Variants in HECTD3 observed in about 807,000 individuals in gnomAD.
HECTD3 encodes HECT domain E3 ubiquitin protein ligase 3.
HECTD3 carries 72 observed loss-of-function variants against 109.3 expected under a neutral mutation model. The ratio of observed to expected loss-of-function variants is 0.66; its 90% confidence interval spans 0.54 to 0.80. The LOEUF (loss-of-function observed/expected upper bound fraction) is 0.80. HECTD3 is among the 30% of genes least tolerant of loss of function. HECTD3 has a pLI of 0.00. For missense variants in HECTD3, 1,041 were observed against 1,165.2 expected, an observed-to-expected ratio of 0.89 and a Z score of 1.55; for synonymous variants, 481 against 471.8, an observed-to-expected ratio of 1.02 and a Z score of -0.25.
Position 45,006,075 on chromosome 1 carries a change from G to A in HECTD3, c.1767C>T (p.Asn589=). 7 of 1,614,152 alleles carry A rather than the reference G, an allele frequency of 4.3e-6. No homozygotes were observed. Among genetic ancestry groups the A allele is most frequent in the Non-Finnish European group, 5.9e-6 (7 of 1,180,006 alleles). ...ACTTGGCAAAGTCTCGGCAGGAGGG[G>A]TTGGGTACATACATGTCCCGAGCCT... The part of the protein sequence containing the change: ...TGEARDMYVP[N]PSCRDFAKYE... The change falls in exon 14 of 21, where the codon AAC becomes AAT. Residue 589 remains asparagine (N), a synonymous_variant. Transcript: ENST00000372172. The surrounding 1 kb of genome is among the most constrained non-coding windows in gnomAD (Gnocchi z 4.7).
Position 45,004,660 on chromosome 1 carries a change from C to T in HECTD3, c.2082G>A (p.Gly694=). ...CCAGTTGGATGAAACGAGAACGGTC[C>T]CCATATCCCACGACGATGCCTGCAC... ...PGGAGIVVGY[G]DRSRFIQLVQ... is the part of the protein sequence containing the mutation. Residue 694 remains glycine, a synonymous_variant, in exon 16 of 21, where the codon GGG becomes GGA. Transcript: ENST00000372172. 1.9e-6 allele frequency: 3 copies of T among 1,614,156 alleles called. No individual in the cohort carries two copies. The highest frequency in any genetic ancestry group is 2.5e-6 in the Non-Finnish European group (3 of 1,180,038).
Position 45,008,318 on chromosome 1 carries a change from GA to G in HECTD3, c.1241del (p.Phe414SerfsTer29). On this transcript the variant is annotated frameshift_variant and splice_region_variant, in exon 9 of 21. Transcript: ENST00000372172. LOFTEE classifies it high-confidence loss of function. ...GCAGGACACTATCGAGGATCTTGAT[GA>G]ATCTGGCATGGGTAGATAGACTGCA... ...LYRRAVLLQR[F>X]IKILDSVLHH... is the part of the protein sequence containing the mutation. 1 of 1,613,548 alleles carries G rather than the reference GA, an allele frequency of 6.2e-7. No individual in the cohort carries two copies. Among genetic ancestry groups the G allele is most frequent in the Non-Finnish European group, 8.5e-7 (1 of 1,179,462 alleles).
chr1:45,003,330 CTG>C lies in HECTD3; in HGVS notation c.*160_*161del, dbSNP rs202167592. On this transcript the variant is annotated 3_prime_UTR_variant, in exon 21 of 21. Coordinates refer to ENST00000372172, the MANE Select transcript of HECTD3 (RefSeq NM_024602.6). The surrounding 1 kb of genome is among the most constrained non-coding windows in gnomAD (Gnocchi z 4.7). ...TGCGGGGCTGGGCCACTAGTGTTAC[CTG>C]ACCATGCCAGCTGCCCCTACCCCAA... 4,332 of 645,188 alleles carry C rather than the reference CTG, an allele frequency of 6.7e-3. 21 individuals carry two copies. The highest frequency in any genetic ancestry group is 9.0e-3 in the Admixed American group (375 of 41,854). The allele number at this position is 645,188 out of a possible 1,614,324, so 40.0% of individuals were successfully genotyped here.
In HECTD3 at chr1:45,011,283, A is replaced by G. The variant is rs992805447; in HGVS notation, c.-26T>C. 24 of 1,352,746 alleles carry G rather than the reference A, an allele frequency of 1.8e-5. No homozygotes were observed. The highest frequency in any genetic ancestry group is 2.1e-5 in the Non-Finnish European group (22 of 1,058,266). The allele number at this position is 1,352,746 out of a possible 1,614,324, so 83.8% of individuals were successfully genotyped here. A position where few individuals can be genotyped will look rare whatever the true frequency, so the allele number is the denominator to read the frequency against. On this transcript the variant is annotated 5_prime_UTR_variant, in exon 1 of 21. Coordinates refer to ENST00000372172, the MANE Select transcript of HECTD3 (RefSeq NM_024602.6). ...GGCGAAGTGGCGGAGGTGAGCACCT[A>G]GAGGCGACCCTGCCCGGGGAACAGC...
At position 45,009,617 on chromosome 1, in the gene HECTD3, G is replaced by A. The variant is rs754980922; in HGVS notation, c.826C>T (p.Gln276Ter). 2.5e-6 allele frequency: 4 copies of A among 1,614,124 alleles called. No homozygotes were observed. Among genetic ancestry groups the A allele is most frequent in the South Asian group, 2.2e-5 (2 of 91,086 alleles). ...GTAAGCCGTACCCAGTGTTGGCACT[G>A]GGACCCATCGCTCTCCCAGTAGGTA... ...ADTYWESDGS[Q>*]CQHWVRLTMK... is the part of the protein sequence containing the mutation. The change falls in exon 5 of 21, where the codon CAG becomes TAG. Residue 276 changes from glutamine (Q) to a stop codon, truncating the protein, a stop_gained. Coordinates refer to ENST00000372172, the MANE Select transcript of HECTD3 (RefSeq NM_024602.6). LOFTEE classifies it high-confidence loss of function.
Position 45,006,453 on chromosome 1 carries a change from G to A in HECTD3, c.1725+239C>T, listed in dbSNP as rs976638770. On this transcript the variant is annotated intron_variant, in intron 13 of 20. Transcript: ENST00000372172. The surrounding 1 kb of genome is among the most constrained non-coding windows in gnomAD (Gnocchi z 4.7). ...CCCATGTAGCTGGGACTACAGGCGC[G>A]TGCCACCACGCCCGGCTAATTTTTT... Among the ~76,000 whole-genome samples, 8 of 152,018 alleles carry A rather than the reference G, an allele frequency of 5.3e-5. No individual in the cohort carries two copies. The highest frequency in any genetic ancestry group is 1.9e-4 in the East Asian group (1 of 5,184).
intron 16 of HECTD3, 111 bp from the exon 17 acceptor site, chr1:45,004,488 T>C: frequency 3.8e-6 from 6 of 1,594,734 alleles, no homozygotes; most frequent in Non-Finnish European, 5.1e-6. Context: ...TGAGGAATGG[T>C]GGGGGCCAGA....
In HECTD3 at chr1:45,007,213, C is replaced by A; in HGVS notation, c.1556+6G>T. On this transcript the variant is annotated splice_donor_region_variant and intron_variant, in intron 11 of 20. Transcript: ENST00000372172. ...CCCGAGTAAGTCCCTCACTCTCATG[C>A]CATACCTGTAGTCCAGGGGCTTTTC... is the stretch of plus-strand genomic sequence containing the variant. 6.2e-7 allele frequency: 1 copy of A among 1,611,186 alleles called. No individual in the cohort carries two copies. Among genetic ancestry groups the A allele is most frequent in the Non-Finnish European group, 8.5e-7 (1 of 1,178,080 alleles).
rs146960255 is a variant in HECTD3, at chr1:45,010,209, T to C, written c.615A>G (p.Gln205=). The change falls in exon 3 of 21, where the codon CAA becomes CAG. Residue 205 remains glutamine, a synonymous_variant. Coordinates refer to ENST00000372172, the MANE Select transcript of HECTD3 (RefSeq NM_024602.6). ...QPAEAYAEAV[Q]RLLYVPPTWT... ...CATTCCAGCTCACTCACAGTAGCCT[T>C]TGTACAGCTTCTGCGTATGCCTCTG... 8.8e-3 allele frequency: 14,210 copies of C among 1,613,926 alleles called. 74 individuals carry two copies. The highest frequency in any genetic ancestry group is 9.9e-3 in the Non-Finnish European group (11,733 of 1,179,968).
rs1557731089 is a variant in HECTD3, at chr1:45,010,663, C to A, written c.413G>T (p.Gly138Val). 6.3e-7 allele frequency: 1 copy of A among 1,590,014 alleles called. No homozygotes were observed. The change falls in exon 2 of 21, where the codon GGC becomes GTC. Residue 138 changes from glycine (G) to valine (V), a missense_variant. This residue lies in a region of HECTD3 where 472 missense variants were observed against 449.9 expected (regional missense o/e 1.05). Transcript: ENST00000372172. ...CGCCGGGCGGCACACCAGCAGCCAGCCTTCCTGCAGCCCGCAGTCGCCCAG... is the reference window on the plus strand; with the variant it reads ...CGCCGGGCGGCACACCAGCAGCCAGACTTCCTGCAGCCCGCAGTCGCCCAG... ...EHLGDCGLQEGWLLVCRPAEG... is the reference protein window; with the variant it reads ...EHLGDCGLQEVWLLVCRPAEG...
At chr1:45,009,859 G>T in intron 4 of HECTD3, 127 bp downstream of exon 4, 1 of 1,248,178 alleles carries the variant, frequency 8.0e-7, no homozygotes, top group Non-Finnish European at 1.1e-6. Context: ...AAGATGGGGA[G>T]CTGAACTGAG....
rs765549861 is a variant in HECTD3, at chr1:45,008,199, A to G, written c.1320+41T>C. ...AGGAATGAACAACTACGTGAGCAGGAAGGGGAAATGCCAAGACCAGCACTG... is the reference window on the plus strand; with the variant it reads ...AGGAATGAACAACTACGTGAGCAGGGAGGGGAAATGCCAAGACCAGCACTG... On this transcript the variant is annotated intron_variant, in intron 9 of 20. Coordinates refer to ENST00000372172, the MANE Select transcript of HECTD3 (RefSeq NM_024602.6). The G allele has an allele frequency of 2.7e-6, 4 of 1,481,140 alleles. No homozygotes were observed. In the African/African-American group the frequency reaches 5.5e-5, roughly 21 times the overall value. The allele number at this position is 1,481,140 out of a possible 1,614,324, so 91.7% of individuals were successfully genotyped here. A position where few individuals can be genotyped will look rare whatever the true frequency, so the allele number is the denominator to read the frequency against.
chr1:45,009,602 C>A lies in HECTD3; in HGVS notation c.841G>T (p.Val281Leu), dbSNP rs758576797. ...ESDGSQCQHW[V>L]RLTMKKGTIV... Reference sequence around the variant, plus strand: ...GTGCCCTTCTTCATAGTAAGCCGTACCCAGTGTTGGCACTGGGACCCATCG... The same window carrying A: ...GTGCCCTTCTTCATAGTAAGCCGTAACCAGTGTTGGCACTGGGACCCATCG... The change falls in exon 5 of 21, where the codon GTA becomes TTA. Residue 281 changes from valine (V) to leucine (L), a missense_variant. This residue lies in a region of HECTD3 where 472 missense variants were observed against 449.9 expected (regional missense o/e 1.05). Coordinates refer to ENST00000372172, the MANE Select transcript of HECTD3 (RefSeq NM_024602.6). 6 of 1,614,042 alleles carry A rather than the reference C, an allele frequency of 3.7e-6. No individual in the cohort carries two copies. The highest frequency in any genetic ancestry group is 4.2e-6 in the Non-Finnish European group (5 of 1,179,924).
In HECTD3 at chr1:45,010,108, T is replaced by C; in HGVS notation, c.637A>G (p.Thr213Ala). ...TCCTCGTCGCACTCGTAGGTCCATG[T>C]CGGGGGTACATAGCTAAGCAACCCC... is the stretch of plus-strand genomic sequence containing the variant. Reference protein sequence around the residue: ...AVQRLLYVPPTWTYECDEDLI... With the variant: ...AVQRLLYVPPAWTYECDEDLI... Residue 213 changes from threonine to alanine, a missense_variant, in exon 4 of 21, where the codon ACA (threonine) becomes GCA (alanine). Transcript: ENST00000372172. The C allele has an allele frequency of 6.2e-7, 1 of 1,607,030 alleles. No individual in the cohort carries two copies. Among genetic ancestry groups the C allele is most frequent in the Non-Finnish European group, 8.5e-7 (1 of 1,174,536 alleles).
At position 45,010,115 on chromosome 1, in the gene HECTD3, T is replaced by G; in HGVS notation, c.630A>C (p.Val210=). 1 of 1,609,724 alleles carries G rather than the reference T, an allele frequency of 6.2e-7. No individual in the cohort carries two copies. Among genetic ancestry groups the G allele is most frequent in the Non-Finnish European group, 8.5e-7 (1 of 1,176,860 alleles). The part of the protein sequence containing the change: ...YAEAVQRLLY[V]PPTWTYECDE... Reference sequence around the variant, plus strand: ...CGCACTCGTAGGTCCATGTCGGGGGTACATAGCTAAGCAACCCCAAGCCCC... The same window carrying G: ...CGCACTCGTAGGTCCATGTCGGGGGGACATAGCTAAGCAACCCCAAGCCCC... The change falls in exon 4 of 21, where the codon GTA becomes GTC. Residue 210 remains valine, a synonymous_variant. Transcript: ENST00000372172.
At chr1:45,004,468 A>T in intron 16 of HECTD3, 91 bp from the exon 17 acceptor site, 1 of 1,602,746 alleles carries the variant, frequency 6.2e-7, no homozygotes, top group Non-Finnish European at 8.5e-7. Context: ...TAGCAGCAGA[A>T]AGGTGGCACT....
In HECTD3 at chr1:45,006,202, G is replaced by C. The variant is rs1335999598; in HGVS notation, c.1726-86C>G. On this transcript the variant is annotated intron_variant, in intron 13 of 20. Transcript: ENST00000372172. The surrounding 1 kb of genome is among the most constrained non-coding windows in gnomAD (Gnocchi z 4.7). ...GACTTCCCTGAACATTTTCCACTGG[G>C]AACATTTTCCACTAAATGATCCCTT... 4.6e-6 allele frequency: 7 copies of C among 1,529,384 alleles called. No individual in the cohort carries two copies. The highest frequency in any genetic ancestry group is 6.2e-6 in the Non-Finnish European group (7 of 1,120,646). 94.7% of individuals were successfully genotyped at this position (1,529,384 alleles called of 1,614,324 possible). A position where few individuals can be genotyped will look rare whatever the true frequency, so the allele number is the denominator to read the frequency against.
rs1644732109 is a variant in HECTD3 at position 45,006,025 on chromosome 1, C to G, written c.1817G>C (p.Gly606Ala). 1 of 1,614,150 alleles carries G rather than the reference C, an allele frequency of 6.2e-7. No homozygotes were observed. Among genetic ancestry groups the G allele is most frequent in the Non-Finnish European group, 8.5e-7 (1 of 1,180,012 alleles). ...GAACTCCTTACCCCGAAGGGCAGCC[C>G]CCATCAGCTGTCCGATCCATTCATA... The part of the protein sequence containing the change: ...AKYEWIGQLM[G>A]AALRGKEFLV... Residue 606 changes from glycine (G) to alanine (A), a missense_variant, in exon 14 of 21, where the codon GGG becomes GCG. Transcript: ENST00000372172. This position sits in a 1 kb window ranked among gnomAD's most constrained non-coding sequence, Gnocchi z 4.7.
intron 15 of HECTD3, 117 bp downstream of exon 15, chr1:45,005,677 T>G: frequency 9.2e-6 from 7 of 763,380 alleles, no homozygotes; most frequent in South Asian, 2.1e-5. Flanking sequence ...GCCATGGGAG[T>G]GGATGGATTG....
Sources: allele counts gnomAD v4.1 joint callset (sites outside exome capture counted in the v4.1 genomes callset), GRCh38; gene constraint gnomAD v4.1.1; regional missense constraint gnomAD v4.1.1; non-coding constraint Gnocchi (gnomAD v3.1); transcripts MANE v1.5; gene names NCBI Gene and HGNC (gene_info 2026-07-23, HGNC 2026-07-21).